ZNF438: variants seen among roughly 807,000 people sequenced by gnomAD.
ZNF438 encodes the protein zinc finger protein 438.
A neutral mutation model predicts 38.0 loss-of-function variants in ZNF438; 25 were observed. The ratio of observed to expected loss-of-function variants is 0.66; its 90% CI spans 0.48 to 0.92. The LOEUF (loss-of-function observed/expected upper bound fraction) is 0.92, where lower values mean the gene tolerates loss of function less well. ZNF438 is among the 40% of genes least tolerant of loss of function. The pLI is 0.00. For synonymous variants in ZNF438, 372 were observed against 364.1 expected (o/e 1.02, Z -0.25); for missense variants, 1,007 against 999.6 (o/e 1.01, Z -0.10).
chr10:30,865,120 G>A (rs1402475560), intron 4 of ZNF438, among the ~76,000 whole-genome samples: 3 of 152,218 alleles, frequency 2.0e-5, no homozygotes, highest in South Asian at 4.1e-4. Context: ...TCCAGTGACC[G>A]GTGAGTGCCA....
chr10:30,865,929 C>T (rs1302309748), intron 4 of ZNF438, among the ~76,000 whole-genome samples: 1 of 152,110 alleles, frequency 6.6e-6, no homozygotes, highest in Non-Finnish European at 1.5e-5. Context: ...GGAAGGGTCC[C>T]GAATACTCTT....
chr10:31,031,489 G>C (rs2057290554), intron 1 of ZNF438, among the ~76,000 whole-genome samples: 2 of 152,182 alleles, frequency 1.3e-5, no homozygotes, highest in Admixed American at 6.5e-5. Context: ...GGCTGAGAGG[G>C]GGAAGAAAAG....
At chr10:30,884,521 T>A in intron 3 of ZNF438, among the ~76,000 whole-genome samples, 1 of 152,166 alleles carries the variant, frequency 6.6e-6, no homozygotes, top group East Asian at 1.9e-4. Context: ...TCCTTCATAG[T>A]TTATAAGGAA....
chr10:30,898,099 T>C (rs986135868), intron 3 of ZNF438, among the ~76,000 whole-genome samples: 8 of 152,184 alleles, frequency 5.3e-5, no homozygotes, highest in African/African-American at 1.9e-4. Context: ...TTAGTCTAAG[T>C]AAAGGCATAT....
chr10:31,027,387 T>C (rs2057013080), intron 1 of ZNF438, among the ~76,000 whole-genome samples: 1 of 152,098 alleles, frequency 6.6e-6, no homozygotes, highest in Admixed American at 6.6e-5. Flanking sequence ...TGTGCAAATG[T>C]AAATTTTAAA....
At chr10:30,936,081 G>T (rs761184565) in intron 2 of ZNF438, among the ~76,000 whole-genome samples, 1 of 152,152 alleles carries the variant, frequency 6.6e-6, no homozygotes, top group Non-Finnish European at 1.5e-5. Context: ...AAGCCATGAA[G>T]ATTTCTAAGA....
intron 1 of ZNF438, among the ~76,000 whole-genome samples, chr10:31,010,464 C>T (rs1337834495): frequency 2.0e-5 from 3 of 152,130 alleles, no homozygotes; most frequent in Non-Finnish European, 4.4e-5. Flanking sequence ...CTAAGTGGCC[C>T]ATGGAAACTT....
At chr10:30,878,836 C>T (rs956913464) in intron 3 of ZNF438, among the ~76,000 whole-genome samples, 3 of 152,164 alleles carry the variant, frequency 2.0e-5, no homozygotes, top group African/African-American at 7.2e-5. Flanking sequence ...CACGTGCTCC[C>T]TCCTGCAAGG....
chr10:30,953,357 C>T (rs1235920969), intron 1 of ZNF438, among the ~76,000 whole-genome samples: 1 of 151,586 alleles, frequency 6.6e-6, no homozygotes, highest in Non-Finnish European at 1.5e-5. Flanking sequence ...ACATATGTAA[C>T]TAACCTGCAC....
exon 5 of ZNF438, chr10:30,850,046 G>A (rs748183960): frequency 6.2e-7 from 1 of 1,614,150 alleles, no homozygotes. Context: ...TCTAGGAATA[G>A]GAAGTTTCAG....
At chr10:30,896,052 A>T (rs1038905106) in intron 3 of ZNF438, among the ~76,000 whole-genome samples, 2 of 152,208 alleles carry the variant, frequency 1.3e-5, no homozygotes, top group Admixed American at 1.3e-4. Flanking sequence ...CTGTAATCCC[A>T]GTACTTTGGG....
At chr10:30,886,975 C>A (rs1377778166) in intron 3 of ZNF438, among the ~76,000 whole-genome samples, 1 of 152,060 alleles carries the variant, frequency 6.6e-6, no homozygotes, top group African/African-American at 2.4e-5. Flanking sequence ...AGAGGACTTG[C>A]TAGAGAGGGG....
At chr10:30,916,286 C>T (rs1380686725) in intron 2 of ZNF438, among the ~76,000 whole-genome samples, 1 of 152,014 alleles carries the variant, frequency 6.6e-6, no homozygotes, top group Admixed American at 6.6e-5. Context: ...CGTATTATTG[C>T]TAAGAAGTAT....
chr10:30,891,653 A>G (rs182912488), intron 3 of ZNF438, among the ~76,000 whole-genome samples: 2 of 152,306 alleles, frequency 1.3e-5, no homozygotes, highest in Admixed American at 1.3e-4. Flanking sequence ...AAAGACAACA[A>G]GTCCTAGGAA....
chr10:30,998,158 TAA>T (rs1415636232), intron 1 of ZNF438, among the ~76,000 whole-genome samples: 14 of 152,282 alleles, frequency 9.2e-5, no homozygotes, highest in African/African-American at 1.4e-4. Context: ...AGTTTCAGCC[TAA>T]AGTTTCATTT....
intron 1 of ZNF438, among the ~76,000 whole-genome samples, chr10:30,977,164 C>A (rs1361705515): frequency 6.6e-6 from 1 of 152,158 alleles, no homozygotes; most frequent in South Asian, 2.1e-4. Context: ...CAAAAAGGAA[C>A]TCTTGGCATG....
chr10:30,903,063 C>T (rs1407039882), intron 3 of ZNF438, among the ~76,000 whole-genome samples: 1 of 152,194 alleles, frequency 6.6e-6, no homozygotes, highest in Non-Finnish European at 1.5e-5. Context: ...ACTGCCTGGG[C>T]TGGCAGGGCC....
intron 2 of ZNF438, among the ~76,000 whole-genome samples, chr10:30,918,010 T>G (rs2043847755): frequency 6.6e-6 from 1 of 152,140 alleles, no homozygotes. Context: ...GATTTATATT[T>G]TTGCTTGTGG....
intron 1 of ZNF438, among the ~76,000 whole-genome samples, chr10:30,992,019 G>A (rs1296246050): frequency 6.6e-6 from 1 of 152,188 alleles, no homozygotes; most frequent in Non-Finnish European, 1.5e-5. Flanking sequence ...CATGCTCAAG[G>A]CTTGCTTCGC....
Sources: allele counts gnomAD v4.1 joint callset (sites outside exome capture counted in the v4.1 genomes callset), GRCh38; gene constraint gnomAD v4.1.1; transcripts MANE v1.5; gene names NCBI Gene and HGNC (gene_info 2026-07-23, HGNC 2026-07-21).